Variants in FOXRED1 observed in about 807,000 individuals in gnomAD.
FOXRED1 encodes the protein FAD-dependent oxidoreductase domain-containing protein 1.
In FOXRED1, 52 loss-of-function variants were observed where a neutral mutation model predicts 57.8. The observed-to-expected ratio is 0.90, with a 90% CI of 0.72 to 1.13. The LOEUF (loss-of-function observed/expected upper bound fraction) is 1.13. FOXRED1 is among the 50% of genes most tolerant of loss of function. FOXRED1 has a pLI of 0.00. For missense variants in FOXRED1, 589 were observed against 625.2 expected (o/e 0.94, Z 0.62); for synonymous variants, 271 against 248.3 (o/e 1.09, Z -0.86).
At chr11:126,270,102 G>A (rs1322066628) in intron 1 of FOXRED1, among the ~76,000 whole-genome samples, 1 of 152,124 alleles carries the variant, frequency 6.6e-6, no homozygotes, top group Non-Finnish European at 1.5e-5. Flanking sequence ...CAGCCTTGGA[G>A]GATGTTTACT....
In FOXRED1 at chr11:126,271,745, A is replaced by G; in HGVS notation, c.306+88A>G. On this transcript the variant is annotated intron_variant, in intron 2 of 10. Coordinates refer to ENST00000263578, the MANE Select transcript of FOXRED1 (RefSeq NM_017547.4). The surrounding 1 kb of genome is among the most constrained non-coding windows in gnomAD (Gnocchi z 5.3). ...ACTCTAGCGACAAGGGAAGGAGAGG[A>G]GGGGAAGACCTCAATCTCGGAGGGT... 1 of 1,087,142 alleles carries G rather than the reference A, an allele frequency of 9.2e-7. No homozygotes were observed. The highest frequency in any genetic ancestry group is 1.4e-6 in the Non-Finnish European group (1 of 715,590). The allele number at this position is 1,087,142 out of a possible 1,614,324, so 67.3% of individuals were successfully genotyped here.
rs1204004558 is a variant in FOXRED1, at chr11:126,275,930, C to CT, written c.810+61dup. 22 of 1,541,184 alleles carry CT rather than the reference C, an allele frequency of 1.4e-5. No individual in the cohort carries two copies. The Admixed American group carries it at 3.0e-4, about 21-fold the overall frequency. ...TGGAGGGACAGGGAAGGTAGTGACT[C>CT]TCCTTGTTTTGGTTTTCTTTGACCC... is the stretch of plus-strand genomic sequence containing the variant. On this transcript the variant is annotated intron_variant, in intron 7 of 10. Transcript: ENST00000263578. The surrounding 1 kb of genome is among the most constrained non-coding windows in gnomAD (Gnocchi z 5.9).
intron 1 of FOXRED1, chr11:126,270,833 G>A (rs1386942563): frequency 6.3e-6 from 1 of 158,686 alleles, no homozygotes; most frequent in East Asian, 1.9e-4. Flanking sequence ...TAGGATGGAA[G>A]CGGGGAATCA....
chr11:126,269,426 C>T, intron 1 of FOXRED1, 135 bp downstream of exon 1: 1 of 1,544,010 alleles, frequency 6.5e-7, no homozygotes, highest in Non-Finnish European at 8.8e-7. Context: ...GTTAGCTTAC[C>T]TACCAGAGCT....
In FOXRED1 at chr11:126,275,300, T is replaced by G; in HGVS notation, c.632-27T>G. 1 of 1,503,460 alleles carries G rather than the reference T, an allele frequency of 6.7e-7. No homozygotes were observed. Among genetic ancestry groups the G allele is most frequent in the South Asian group, 1.1e-5 (1 of 88,968 alleles). 93.1% of individuals were successfully genotyped at this position (1,503,460 alleles called of 1,614,324 possible). A position where few individuals can be genotyped will look rare whatever the true frequency, so the allele number is the denominator to read the frequency against. ...CAAGAGCAGAAGTCCTCATCCCTCT[T>G]TGTGAGTTCTCTTTTTCTTATCACA... On this transcript the variant is annotated intron_variant, in intron 5 of 10. Transcript: ENST00000263578. The surrounding 1 kb of genome is among the most constrained non-coding windows in gnomAD (Gnocchi z 5.9).
At position 126,274,454 on chromosome 11, in the gene FOXRED1, G is replaced by A. The variant is rs1951075415; in HGVS notation, c.537-473G>A. On this transcript the variant is annotated intron_variant, in intron 4 of 10. Coordinates refer to ENST00000263578, the MANE Select transcript of FOXRED1 (RefSeq NM_017547.4). The surrounding 1 kb of genome is among the most constrained non-coding windows in gnomAD (Gnocchi z 4.8). ...ACCTGAGGTCAGGAGTTCGAGACCA[G>A]CCTGGCCAACTGGTGAAACCTCATC... 4.7e-6 allele frequency: 1 copy of A among 214,838 alleles called. No homozygotes were observed. The highest frequency in any genetic ancestry group is 5.2e-5 in the Admixed American group (1 of 19,240). The allele number at this position is 214,838 out of a possible 1,614,324, so 13.3% of individuals were successfully genotyped here.
Position 126,277,347 on chromosome 11 carries a change from A to T in FOXRED1, c.1207-88A>T. The T allele has an allele frequency of 6.7e-7, 1 of 1,485,532 alleles. No homozygotes were observed. The highest frequency in any genetic ancestry group is 9.4e-7 in the Non-Finnish European group (1 of 1,064,980). 92.0% of individuals were successfully genotyped at this position (1,485,532 alleles called of 1,614,324 possible). On this transcript the variant is annotated intron_variant, in intron 10 of 10. Transcript: ENST00000263578. The surrounding 1 kb of genome is among the most constrained non-coding windows in gnomAD (Gnocchi z 6.8). The stretch of plus-strand genomic sequence containing the variant: ...CCATAGACCCCTCAGCAGCAGGTAG[A>T]GGGTACTCTGTGCTGAGCCCTGAGG...
intron 9 of FOXRED1, 61 bp downstream of exon 9, chr11:126,276,584 TCA>T: frequency 1.3e-6 from 2 of 1,575,282 alleles, no homozygotes; most frequent in Non-Finnish European, 1.7e-6. Context: ...CACGAAACAA[TCA>T]GGCTTTTGGC....
At position 126,269,295 on chromosome 11, in the gene FOXRED1, A is replaced by C. The variant is rs1950903444; in HGVS notation, c.85+4A>C. On this transcript the variant is annotated splice_donor_region_variant and intron_variant, in intron 1 of 10. Transcript: ENST00000263578. ...CGCAGAGGAGGCTTTTCTCTGGGTA[A>C]AGTTGAGGACGACAGAGGGTATTGT... The C allele has an allele frequency of 6.2e-7, 1 of 1,614,140 alleles. No homozygotes were observed. Among genetic ancestry groups the C allele is most frequent in the African/African-American group, 1.3e-5 (1 of 75,070 alleles).
chr11:126,276,978 C>T, intron 9 of FOXRED1, 93 bp from the exon 10 acceptor site: 1 of 824,576 alleles, frequency 1.2e-6, no homozygotes, highest in Admixed American at 1.7e-5. Flanking sequence ...ACCATTTCTC[C>T]CCATCCCCTA....
rs1212638908 is a variant in FOXRED1, at chr11:126,271,602, A to C, written c.251A>C (p.Lys84Thr). 1.9e-6 allele frequency: 3 copies of C among 1,614,200 alleles called. No individual in the cohort carries two copies. The highest frequency in any genetic ancestry group is 1.7e-4 in the Middle Eastern group (1 of 6,058). Residue 84 changes from lysine to threonine, a missense_variant, in exon 2 of 11, where the codon AAG becomes ACG. Coordinates refer to ENST00000263578, the MANE Select transcript of FOXRED1 (RefSeq NM_017547.4). This position sits in a 1 kb window ranked among gnomAD's most constrained non-coding sequence, Gnocchi z 5.3. Reference sequence around the variant, plus strand: ...TTGTCTGTGGCCTATTGGCTGAAGAAGCTGGAGAGCAGACGAGGTGCTATT... The same window carrying C: ...TTGTCTGTGGCCTATTGGCTGAAGACGCTGGAGAGCAGACGAGGTGCTATT... ...LGLSVAYWLK[K>T]LESRRGAIRV...
intron 1 of FOXRED1, among the ~76,000 whole-genome samples, chr11:126,269,575 A>G (rs1950918761): frequency 6.6e-6 from 1 of 152,236 alleles, no homozygotes; most frequent in Non-Finnish European, 1.5e-5. Flanking sequence ...GCCCGTGTTC[A>G]GGATGCTGTA....
chr11:126,273,197 G>A lies in FOXRED1; in HGVS notation c.417+118G>A. On this transcript the variant is annotated intron_variant, in intron 3 of 10. Transcript: ENST00000263578. This position sits in a 1 kb window ranked among gnomAD's most constrained non-coding sequence, Gnocchi z 5.9. The stretch of plus-strand genomic sequence containing the variant: ...AGAATGGGTCAGCCAACTAGGAGAG[G>A]GGGGCCCTGGCCTTCTTCCTAGTGG... The A allele has an allele frequency of 1.3e-5, 12 of 946,564 alleles. No homozygotes were observed. Among genetic ancestry groups the A allele is most frequent in the Non-Finnish European group, 1.4e-5 (8 of 571,622 alleles). 58.6% of individuals were successfully genotyped at this position (946,564 alleles called of 1,614,324 possible).
Position 126,273,459 on chromosome 11 carries a change from G to T in FOXRED1, c.536+5G>T. On this transcript the variant is annotated splice_donor_5th_base_variant and intron_variant, in intron 4 of 10. Transcript: ENST00000263578. This position sits in a 1 kb window ranked among gnomAD's most constrained non-coding sequence, Gnocchi z 5.9. The stretch of plus-strand genomic sequence containing the variant: ...GAGCAACGTGAAAGTGCAGAGGTGG[G>T]TGCCTGGCACAGCCTCTTAGCTGCT... 2 of 1,587,278 alleles carry T rather than the reference G, an allele frequency of 1.3e-6. No homozygotes were observed. Among genetic ancestry groups the T allele is most frequent in the Non-Finnish European group, 8.7e-7 (1 of 1,155,796 alleles).
chr11:126,271,825 C>T lies in FOXRED1; in HGVS notation c.306+168C>T, dbSNP rs1189724881. On this transcript the variant is annotated intron_variant, in intron 2 of 10. Transcript: ENST00000263578. The surrounding 1 kb of genome is among the most constrained non-coding windows in gnomAD (Gnocchi z 5.3). ...TGTTGAGAAATTTTCCTAGGATCTT[C>T]CTCAGTCGAACCAGGAAGCTTGGCA... 4.5e-6 allele frequency: 3 copies of T among 665,460 alleles called. No homozygotes were observed. The highest frequency in any genetic ancestry group is 5.5e-5 in the East Asian group (2 of 36,188). 41.2% of individuals were successfully genotyped at this position (665,460 alleles called of 1,614,324 possible). A position where few individuals can be genotyped will look rare whatever the true frequency, so the allele number is the denominator to read the frequency against.
Position 126,277,549 on chromosome 11 carries a change from G to A in FOXRED1, c.1321G>A (p.Gly441Arg), listed in dbSNP as rs1416090738. 1.1e-5 allele frequency: 18 copies of A among 1,613,638 alleles called. No homozygotes were observed. Among genetic ancestry groups the A allele is most frequent in the Non-Finnish European group, 1.4e-5 (16 of 1,180,012 alleles). Residue 441 changes from glycine (G) to arginine (R), a missense_variant, in exon 11 of 11, where the codon GGG (glycine) becomes AGG (arginine). Physicochemically the swap from Gly to Arg is moderately radical, Grantham distance 125. Coordinates refer to ENST00000263578, the MANE Select transcript of FOXRED1 (RefSeq NM_017547.4). The surrounding 1 kb of genome is among the most constrained non-coding windows in gnomAD (Gnocchi z 6.8). Reference sequence around the variant, plus strand: ...CTTTGCTACTGGCTTCAGTGGTCACGGGCTCCAGCAGGCCCCTGGCATTGG... The same window carrying A: ...CTTTGCTACTGGCTTCAGTGGTCACAGGCTCCAGCAGGCCCCTGGCATTGG... ...MYFATGFSGHGLQQAPGIGRA... is the reference protein window; with the variant it reads ...MYFATGFSGHRLQQAPGIGRA...
Position 126,276,466 on chromosome 11 carries a change from C to G in FOXRED1, c.1044C>G (p.Ala348=). The stretch of plus-strand genomic sequence containing the variant: ...CGCTTGTTGCAGACACCAGTGGAGC[C>G]TATTTTCGCCGGGAAGGATTAGGTA... ...ETPLVADTSG[A]YFRREGLGSN... The change falls in exon 9 of 11, where the codon GCC becomes GCG. Residue 348 remains alanine, a synonymous_variant. Transcript: ENST00000263578. The G allele has an allele frequency of 6.2e-7, 1 of 1,608,484 alleles. No homozygotes were observed. Among genetic ancestry groups the G allele is most frequent in the South Asian group, 1.1e-5 (1 of 90,990 alleles).
rs1951054973 is a variant in FOXRED1, at chr11:126,273,729, G to A, written c.536+275G>A. The A allele has an allele frequency of 2.1e-6, 1 of 465,864 alleles. No individual in the cohort carries two copies. The highest frequency in any genetic ancestry group is 2.2e-5 in the South Asian group (1 of 46,410). 28.9% of individuals were successfully genotyped at this position (465,864 alleles called of 1,614,324 possible). On this transcript the variant is annotated intron_variant, in intron 4 of 10. Transcript: ENST00000263578. This position sits in a 1 kb window ranked among gnomAD's most constrained non-coding sequence, Gnocchi z 5.9. ...CTAATAAACCAGAATCTCTAGGGAA[G>A]GAGCCCACAAATCTGGGTTTTTAAC...
In FOXRED1 at chr11:126,274,529, T is replaced by G; in HGVS notation, c.537-398T>G. On this transcript the variant is annotated intron_variant, in intron 4 of 10. Transcript: ENST00000263578. The surrounding 1 kb of genome is among the most constrained non-coding windows in gnomAD (Gnocchi z 4.8). ...TGGGTGTGGTGGCGTGTGCCTGTAG[T>G]CCCAGCTACTCCAGAGGCTGAAGCA... The G allele has an allele frequency of 3.5e-6, 1 of 282,890 alleles. No individual in the cohort carries two copies. 17.5% of individuals were successfully genotyped at this position (282,890 alleles called of 1,614,324 possible). A position where few individuals can be genotyped will look rare whatever the true frequency, so the allele number is the denominator to read the frequency against.
Sources: gnomAD v4.1 joint callset for allele counts (sites outside exome capture counted in the v4.1 genomes callset) on GRCh38, gnomAD v4.1.1 for gene constraint, Gnocchi (gnomAD v3.1) non-coding constraint, MANE v1.5 for transcripts, NCBI Gene and HGNC (gene_info 2026-07-23, HGNC 2026-07-21) for gene names.